The following NRG3 variants were observed in gnomAD, a reference collection of about 807,000 sequenced individuals.
NRG3 encodes the protein pro-neuregulin-3, membrane-bound isoform.
NRG3 carries 31 observed loss-of-function variants against 66.9 expected under a neutral mutation model. The ratio of observed to expected loss-of-function variants is 0.46; its 90% CI spans 0.35 to 0.63. The LOEUF (loss-of-function observed/expected upper bound fraction) is 0.63, where lower values mean the gene tolerates loss of function less well. Ranked by LOEUF, NRG3 falls within the 20% of genes least tolerant of loss-of-function variation. The pLI, the probability that NRG3 is intolerant of heterozygous loss-of-function variation, is 0.00. For missense variants in NRG3, 910 were observed against 878.9 expected, an observed-to-expected ratio of 1.04 and a Z score of -0.45; for synonymous variants, 393 against 359.4, an observed-to-expected ratio of 1.09 and a Z score of -1.06.
intron 2 of NRG3, among the ~76,000 whole-genome samples, chr10:82,608,551 G>A (rs1029724444): frequency 6.6e-6 from 1 of 152,038 alleles, no homozygotes; most frequent in Non-Finnish European, 1.5e-5. Context: ...CTATTGTTGT[G>A]GTGGTAAATT....
At position 82,260,638 on chromosome 10, in the gene NRG3, G is replaced by A. The variant is rs185348789; in HGVS notation, c.824-98101G>A. Among the ~76,000 whole-genome samples the A allele has an allele frequency of 2.6e-5, 4 of 152,290 alleles. No individual in the cohort carries two copies. In the East Asian group the frequency reaches 7.7e-4, roughly 29 times the overall value. ...AGAGAAGCAGAGTGAGAATGGACTGGAGTGGTAGTGACTGGTGACAGAGAG... is the reference window on the plus strand; with the variant it reads ...AGAGAAGCAGAGTGAGAATGGACTGAAGTGGTAGTGACTGGTGACAGAGAG... On this transcript the variant is annotated intron_variant, in intron 1 of 8. Transcript: ENST00000372141.
chr10:82,017,405 G>A (rs549721330), intron 1 of NRG3, among the ~76,000 whole-genome samples: 2 of 152,280 alleles, frequency 1.3e-5, no homozygotes, highest in Admixed American at 1.3e-4. Flanking sequence ...ACATACGTGT[G>A]CATGTGTCTT....
At chr10:82,098,110 G>C (rs1042458778) in intron 1 of NRG3, among the ~76,000 whole-genome samples, 1 of 148,562 alleles carries the variant, frequency 6.7e-6, no homozygotes. Context: ...CTCATATATA[G>C]ATGTCTCATA....
chr10:82,944,363 T>C (rs1396097272), intron 4 of NRG3, among the ~76,000 whole-genome samples: 1 of 152,244 alleles, frequency 6.6e-6, no homozygotes, highest in African/African-American at 2.4e-5. Context: ...TAATTCTTTT[T>C]ATTTGCAGAA....
chr10:82,146,483 T>A (rs981719202), intron 1 of NRG3, among the ~76,000 whole-genome samples: 9 of 152,152 alleles, frequency 5.9e-5, no homozygotes, highest in Non-Finnish European at 1.2e-4. Context: ...TGTTGAAATT[T>A]AGGCTTTGTG....
At chr10:82,985,067 CAGA>C in intron 8 of NRG3, 28 bp from the exon 9 acceptor site, 5 of 1,599,230 alleles carry the variant, frequency 3.1e-6, no homozygotes, top group African/African-American at 1.3e-5. Context: ...TGGTAGAAAG[CAGA>C]AGGAGTAACA....
At chr10:82,174,083 C>T (rs981922168) in intron 1 of NRG3, among the ~76,000 whole-genome samples, 1 of 152,100 alleles carries the variant, frequency 6.6e-6, no homozygotes, top group East Asian at 1.9e-4. Flanking sequence ...CTCCCCAAGT[C>T]ATTCAAAATT....
chr10:81,951,252 A>C (rs1167658998), intron 1 of NRG3, among the ~76,000 whole-genome samples: 1 of 152,180 alleles, frequency 6.6e-6, no homozygotes, highest in African/African-American at 2.4e-5. Context: ...TTTCTCAGGC[A>C]GGACTGAGAG....
At chr10:82,373,907 A>G (rs181022803) in intron 2 of NRG3, among the ~76,000 whole-genome samples, 7 of 152,266 alleles carry the variant, frequency 4.6e-5, no homozygotes, top group Admixed American at 1.3e-4. Flanking sequence ...TTCCCCCTAC[A>G]AGCTAACCAA....
chr10:82,666,456 T>C (rs1452161077), intron 2 of NRG3, among the ~76,000 whole-genome samples: 2 of 152,320 alleles, frequency 1.3e-5, no homozygotes, highest in East Asian at 3.9e-4. Context: ...CCTATTCCCA[T>C]CAGGTTCCAT....
intron 2 of NRG3, among the ~76,000 whole-genome samples, chr10:82,679,714 CTA>C (rs1431207766): frequency 6.6e-5 from 10 of 152,100 alleles, no homozygotes; most frequent in Non-Finnish European, 1.5e-4. Context: ...CATATCAACT[CTA>C]TGAGATAAAC....
intron 1 of NRG3, among the ~76,000 whole-genome samples, chr10:82,160,082 G>T (rs982981806): frequency 1.3e-4 from 19 of 151,998 alleles, no homozygotes; most frequent in African/African-American, 4.1e-4. Flanking sequence ...TAGCCTGTAA[G>T]AATTTAAGCT....
chr10:82,547,801 C>A (rs1420466296), intron 2 of NRG3, among the ~76,000 whole-genome samples: 1 of 152,016 alleles, frequency 6.6e-6, no homozygotes, highest in East Asian at 1.9e-4. Flanking sequence ...GATCCATGGT[C>A]AGTATTTCAC....
At chr10:82,787,597 C>A (rs2060421448) in intron 3 of NRG3, among the ~76,000 whole-genome samples, 6 of 152,134 alleles carry the variant, frequency 3.9e-5, no homozygotes, top group Admixed American at 3.9e-4. Context: ...CTGAACAGAT[C>A]CCCGTCCCCA....
At chr10:82,391,687 G>A (rs78900388) in intron 2 of NRG3, among the ~76,000 whole-genome samples, 4 of 151,880 alleles carry the variant, frequency 2.6e-5, no homozygotes, top group African/African-American at 4.8e-5. Context: ...ATAAACTTTT[G>A]GGGAAAAAAT....
chr10:82,215,963 CTTTTTT>C (rs71894841), intron 1 of NRG3, among the ~76,000 whole-genome samples: 7 of 89,716 alleles, frequency 7.8e-5, no homozygotes, highest in South Asian at 7.6e-4. Flanking sequence ...TTATGTTTTC[CTTTTTT>C]TTTTTTTTTT....
chr10:81,991,539 A>T (rs764551534), intron 1 of NRG3, among the ~76,000 whole-genome samples: 1 of 152,176 alleles, frequency 6.6e-6, no homozygotes, highest in African/African-American at 2.4e-5. Flanking sequence ...CCCCAAAGGC[A>T]TGGGTGATTG....
intron 2 of NRG3, among the ~76,000 whole-genome samples, chr10:82,568,149 C>T (rs1044444716): frequency 6.6e-6 from 1 of 151,964 alleles, no homozygotes; most frequent in African/African-American, 2.4e-5. Context: ...GGACAAATGC[C>T]ATACCCTTCA....
chr10:82,839,473 A>G (rs1254294829), intron 3 of NRG3, among the ~76,000 whole-genome samples: 2 of 151,874 alleles, frequency 1.3e-5, no homozygotes, highest in African/African-American at 4.8e-5. Flanking sequence ...TTAAAAATTA[A>G]GAGAAGTGTG....
Sources: gnomAD v4.1 joint callset for allele counts (sites outside exome capture counted in the v4.1 genomes callset) on GRCh38, gnomAD v4.1.1 for gene constraint, MANE v1.5 for transcripts, NCBI Gene and HGNC (gene_info 2026-07-23, HGNC 2026-07-21) for gene names.